Variants in DOCK4 observed in about 807,000 individuals in gnomAD.
DOCK4 encodes dedicator of cytokinesis protein 4.
A neutral mutation model predicts 268.1 loss-of-function variants in DOCK4; 97 were observed. The observed-to-expected ratio is 0.36, with a 90% CI of 0.31 to 0.43. The LOEUF (loss-of-function observed/expected upper bound fraction) is 0.43, where lower values mean the gene tolerates loss of function less well. DOCK4 is among the 20% of genes least tolerant of loss of function. The pLI is 1.00. For missense variants in DOCK4, 2,145 were observed against 2,455.7 expected (o/e 0.87, Z 2.67); for synonymous variants, 954 against 887.2 (o/e 1.08, Z -1.34).
At chr7:111,761,604 GGTTCTTAT>G (rs1340668496) in intron 39 of DOCK4, among the ~76,000 whole-genome samples, 1 of 152,100 alleles carries the variant, frequency 6.6e-6, no homozygotes, top group Non-Finnish European at 1.5e-5. Context: ...CGCTCTATGA[GGTTCTTAT>G]GTAAAACGCC....
intron 1 of DOCK4, 118 bp downstream of exon 1, chr7:112,205,984 C>G (rs1821374118): frequency 8.6e-7 from 1 of 1,164,868 alleles, no homozygotes; most frequent in East Asian, 2.6e-5. Flanking sequence ...ACCAGCTGCG[C>G]GATGCCAGGA....
At chr7:111,977,009 G>T in intron 8 of DOCK4, 123 bp downstream of exon 8, 1 of 1,151,450 alleles carries the variant, frequency 8.7e-7, no homozygotes, top group Non-Finnish European at 1.2e-6. Context: ...GAGTTCTACT[G>T]GTGAGAAAAT....
chr7:112,145,165 C>G (rs993998408), intron 1 of DOCK4, among the ~76,000 whole-genome samples: 6 of 152,094 alleles, frequency 3.9e-5, no homozygotes, highest in Non-Finnish European at 7.4e-5. Flanking sequence ...TAGCAAGCAT[C>G]AGGCAAGCAC....
intron 5 of DOCK4, among the ~76,000 whole-genome samples, chr7:111,991,509 A>C (rs1345218516): frequency 2.0e-5 from 3 of 152,218 alleles, no homozygotes; most frequent in Non-Finnish European, 4.4e-5. Flanking sequence ...AAAAAACAGC[A>C]AAAGTTAATT....
chr7:111,930,995 C>A (rs1794155324), intron 12 of DOCK4, among the ~76,000 whole-genome samples: 1 of 152,142 alleles, frequency 6.6e-6, no homozygotes, highest in Non-Finnish European at 1.5e-5. Flanking sequence ...GCTGGGTTTG[C>A]CTCAGCTTGA....
intron 8 of DOCK4, chr7:111,971,409 A>C: frequency 4.5e-6 from 1 of 219,944 alleles, no homozygotes; most frequent in South Asian, 7.3e-5. Context: ...CCTGTGTGAA[A>C]GCGACAGTGG....
intron 1 of DOCK4, among the ~76,000 whole-genome samples, chr7:112,062,483 T>C (rs555538677): frequency 2.0e-5 from 3 of 152,330 alleles, no homozygotes; most frequent in African/African-American, 4.8e-5. Flanking sequence ...TAGTGACTTA[T>C]ATAGCATCTC....
intron 1 of DOCK4, among the ~76,000 whole-genome samples, chr7:112,019,608 A>C (rs534042016): frequency 1.4e-4 from 22 of 152,302 alleles, no homozygotes; most frequent in Middle Eastern, 3.4e-3. Flanking sequence ...CCAAAGTTAT[A>C]TGCTTAAAAA....
chr7:111,762,927 T>C (rs115224452), intron 39 of DOCK4, among the ~76,000 whole-genome samples: 2,483 of 151,728 alleles, frequency 0.016, 61 homozygotes, highest in African/African-American at 0.056. Context: ...CCACCGAACC[T>C]GGCAATTTTT....
At chr7:112,138,953 A>T (rs1476565924) in intron 1 of DOCK4, among the ~76,000 whole-genome samples, 1 of 152,180 alleles carries the variant, frequency 6.6e-6, no homozygotes, top group South Asian at 2.1e-4. Flanking sequence ...CCCTAACCCT[A>T]ACCCCTCTGC....
At chr7:111,948,608 T>C (rs1008562499) in intron 8 of DOCK4, among the ~76,000 whole-genome samples, 7 of 151,882 alleles carry the variant, frequency 4.6e-5, no homozygotes, top group South Asian at 2.1e-4. Flanking sequence ...TTTTTTTTTT[T>C]CCCGAGACGG....
At chr7:111,872,141 C>A in intron 19 of DOCK4, 51 bp from the exon 20 acceptor site, 2 of 1,453,824 alleles carry the variant, frequency 1.4e-6, no homozygotes, top group Non-Finnish European at 9.2e-7. Flanking sequence ...TCAAGGTTTT[C>A]CTTTTTTTTT....
chr7:111,978,014 G>A (rs191024308), intron 7 of DOCK4, among the ~76,000 whole-genome samples: 18 of 152,268 alleles, frequency 1.2e-4, no homozygotes, highest in Non-Finnish European at 2.1e-4. Flanking sequence ...TCATTCACGA[G>A]TCCAGGAAGG....
At chr7:111,947,544 G>A (rs182063149) in intron 8 of DOCK4, among the ~76,000 whole-genome samples, 7 of 152,106 alleles carry the variant, frequency 4.6e-5, no homozygotes, top group African/African-American at 7.2e-5. Flanking sequence ...ATCCTCAATT[G>A]AAGCTAAAGT....
intron 36 of DOCK4, among the ~76,000 whole-genome samples, chr7:111,770,557 C>T (rs751462254): frequency 1.3e-5 from 2 of 152,136 alleles, no homozygotes; most frequent in African/African-American, 4.8e-5. Flanking sequence ...AGGATACTTG[C>T]CATTCTGCAG....
chr7:111,840,981 C>CAAT (rs1257975670), intron 25 of DOCK4: 5 of 479,788 alleles, frequency 1.0e-5, no homozygotes, highest in Non-Finnish European at 1.5e-5. Context: ...ATAACAACAA[C>CAAT]AATACCTGAA....
At chr7:111,793,923 G>A (rs1439654434) in intron 30 of DOCK4, among the ~76,000 whole-genome samples, 1 of 152,168 alleles carries the variant, frequency 6.6e-6, no homozygotes, top group Non-Finnish European at 1.5e-5. Context: ...GTCAGGGTTG[G>A]ATGAGGGATG....
chr7:111,961,515 A>G (rs1586505423), intron 8 of DOCK4, among the ~76,000 whole-genome samples: 1 of 152,192 alleles, frequency 6.6e-6, no homozygotes, highest in Non-Finnish European at 1.5e-5. Flanking sequence ...GGATAAACCT[A>G]TACTTATTTA....
intron 52 of DOCK4, among the ~76,000 whole-genome samples, chr7:111,731,755 CAG>C (rs1196800344): frequency 2.0e-5 from 3 of 152,112 alleles, no homozygotes; most frequent in Non-Finnish European, 2.9e-5. Context: ...AAAATATTAA[CAG>C]AGAATGTTAG....
Sources: allele counts gnomAD v4.1 joint callset (sites outside exome capture counted in the v4.1 genomes callset), GRCh38; gene constraint gnomAD v4.1.1; transcripts MANE v1.5; gene names NCBI Gene and HGNC (gene_info 2026-07-23, HGNC 2026-07-21).